LRP11: variants seen among roughly 807,000 people sequenced by gnomAD.
LRP11 encodes low-density lipoprotein receptor-related protein 11.
A neutral mutation model predicts 43.1 loss-of-function variants in LRP11; 25 were observed. That is an observed-to-expected ratio of 0.58 (90% CI 0.42 to 0.81). The LOEUF (loss-of-function observed/expected upper bound fraction) is 0.81. LRP11 is among the 30% of genes least tolerant of loss of function. LRP11 has a pLI of 0.00. For synonymous variants in LRP11, 316 were observed against 299.4 expected (o/e 1.06, Z -0.57); for missense variants, 623 against 665.1 (o/e 0.94, Z 0.70).
intron 1 of LRP11, among the ~76,000 whole-genome samples, chr6:149,855,820 A>T (rs543053252): frequency 6.6e-6 from 1 of 152,190 alleles, no homozygotes; most frequent in Admixed American, 6.5e-5. Flanking sequence ...AGTGAGGACT[A>T]GTAACTGTGA....
intron 1 of LRP11, among the ~76,000 whole-genome samples, chr6:149,860,894 T>C (rs1477392633): frequency 6.6e-6 from 1 of 152,178 alleles, no homozygotes; most frequent in African/African-American, 2.4e-5. Context: ...CCAAGCCTTG[T>C]ATACACTAGG....
At chr6:149,839,541 A>G (rs1016220029) in intron 3 of LRP11, among the ~76,000 whole-genome samples, 4 of 152,236 alleles carry the variant, frequency 2.6e-5, no homozygotes, top group Admixed American at 2.6e-4. Context: ...GTGATTTTGG[A>G]GATGGATCCA....
chr6:149,863,874 G>A lies in LRP11; in HGVS notation c.147C>T (p.His49=). The change falls in exon 1 of 7, where the codon CAC becomes CAT. Residue 49 remains histidine, a synonymous_variant. Coordinates refer to ENST00000239367, the MANE Select transcript of LRP11 (RefSeq NM_032832.6). ...GCTGCTCCACGCCCGACAGCTGCGC[G>A]TGCAGTTCGGACAGCGGCGCCGCGG... ...LPPAAPLSEL[H]AQLSGVEQLL... is the part of the protein sequence containing the mutation. 1 of 1,502,594 alleles carries A rather than the reference G, an allele frequency of 6.7e-7. No individual in the cohort carries two copies. Among genetic ancestry groups the A allele is most frequent in the Non-Finnish European group, 8.8e-7 (1 of 1,134,558 alleles). 93.1% of individuals were successfully genotyped at this position (1,502,594 alleles called of 1,614,324 possible).
chr6:149,856,314 T>C (rs1200679173), intron 1 of LRP11, among the ~76,000 whole-genome samples: 1 of 152,222 alleles, frequency 6.6e-6, no homozygotes, highest in Non-Finnish European at 1.5e-5. Context: ...TACTTTTATT[T>C]AGGTGAGCTT....
At chr6:149,845,433 A>G (rs1108889) in intron 2 of LRP11, among the ~76,000 whole-genome samples, 48,521 of 152,168 alleles carry the variant, frequency 0.32, 9,429 homozygotes, top group East Asian at 0.82. Flanking sequence ...TTTCCCTGCA[A>G]AAGCCTTACT....
rs1404212578 is a variant in LRP11, at chr6:149,863,817, C to T, written c.204G>A (p.Gln68=). ...LLEEFRRQLQ[Q]ERPQEELELE... The stretch of plus-strand genomic sequence containing the variant: ...GCTCCAGCTCCTCCTGAGGCCGCTC[C>T]TGCTGCAGTTGCCGGCGGAACTCCT... Residue 68 remains glutamine (Q), a synonymous_variant, in exon 1 of 7, where the codon CAG becomes CAA. Transcript: ENST00000239367. 2 of 1,508,322 alleles carry T rather than the reference C, an allele frequency of 1.3e-6. No individual in the cohort carries two copies. Among genetic ancestry groups the T allele is most frequent in the African/African-American group, 1.4e-5 (1 of 69,022 alleles). The allele number at this position is 1,508,322 out of a possible 1,614,324, so 93.4% of individuals were successfully genotyped here.
rs1370858282 is a variant in LRP11, at chr6:149,864,342, C to T, written c.-322G>A. The T allele has an allele frequency of 9.9e-7, 1 of 1,007,070 alleles. No individual in the cohort carries two copies. Among genetic ancestry groups the T allele is most frequent in the Non-Finnish European group, 1.2e-6 (1 of 844,614 alleles). 62.4% of individuals were successfully genotyped at this position (1,007,070 alleles called of 1,614,324 possible). The stretch of plus-strand genomic sequence containing the variant: ...AGTCGGCCTCGGCGTTGATCAGCAC[C>T]AGGTGTGTGCGAACAGTGGCCGCGG... On this transcript the variant is annotated 5_prime_UTR_variant, in exon 1 of 7. Transcript: ENST00000239367.
chr6:149,863,949 C>A lies in LRP11; in HGVS notation c.72G>T (p.Gly24=), dbSNP rs772877935. The change falls in exon 1 of 7, where the codon GGG becomes GGT. Residue 24 remains glycine (G), a synonymous_variant. Coordinates refer to ENST00000239367, the MANE Select transcript of LRP11 (RefSeq NM_032832.6). The stretch of plus-strand genomic sequence containing the variant: ...GCAGCCACAGGCAGAGCAGTAGCAG[C>A]CCGCGCAGCGCCCCGTGACGCGGCG... ...RLPPRHGALR[G]LLLLCLWLPS... 3.0e-5 allele frequency: 44 copies of A among 1,447,744 alleles called. No individual in the cohort carries two copies. The East Asian group carries it at 1.3e-3, about 44-fold the overall frequency. 89.7% of individuals were successfully genotyped at this position (1,447,744 alleles called of 1,614,324 possible). A position where few individuals can be genotyped will look rare whatever the true frequency, so the allele number is the denominator to read the frequency against.
Position 149,837,434 on chromosome 6 carries a change from AGTG to A in LRP11, c.940_942del (p.His314del), listed in dbSNP as rs761916117. 4.3e-6 allele frequency: 7 copies of A among 1,614,146 alleles called. No homozygotes were observed. Among genetic ancestry groups the A allele is most frequent in the South Asian group, 1.1e-5 (1 of 91,086 alleles). On this transcript the variant is annotated inframe_deletion, in exon 4 of 7. Coordinates refer to ENST00000239367, the MANE Select transcript of LRP11 (RefSeq NM_032832.6). ...ATGCAGCAGCCATCGTCACAGAAGAAGTGGTAGCGTGAGCAAGTGTGCAAACAT... is the reference window on the plus strand; with the variant it reads ...ATGCAGCAGCCATCGTCACAGAAGAAGTAGCGTGAGCAAGTGTGCAAACAT...
At chr6:149,860,536 C>T (rs1776876019) in intron 1 of LRP11, among the ~76,000 whole-genome samples, 1 of 152,104 alleles carries the variant, frequency 6.6e-6, no homozygotes, top group South Asian at 2.1e-4. Flanking sequence ...TCCTAACTCA[C>T]AAAGCATGTC....
At chr6:149,841,713 G>A (rs909783615) in intron 3 of LRP11, among the ~76,000 whole-genome samples, 13 of 152,186 alleles carry the variant, frequency 8.5e-5, no homozygotes, top group Non-Finnish European at 1.6e-4. Context: ...AGGAATTCGA[G>A]ACCAGGTTGG....
chr6:149,830,493 A>G (rs542907741), intron 5 of LRP11, among the ~76,000 whole-genome samples: 1 of 152,324 alleles, frequency 6.6e-6, no homozygotes, highest in South Asian at 2.1e-4. Context: ...AACCAAGTCA[A>G]TACTATATTT....
chr6:149,847,656 C>T (rs1212414392), intron 2 of LRP11, among the ~76,000 whole-genome samples: 1 of 152,124 alleles, frequency 6.6e-6, no homozygotes, highest in East Asian at 1.9e-4. Flanking sequence ...CAGGAGCTCC[C>T]AATCTCTGCT....
Position 149,837,553 on chromosome 6 carries a change from A to C in LRP11, c.914-90T>G, listed in dbSNP as rs569006221. The C allele has an allele frequency of 6.7e-6, 9 of 1,352,916 alleles. No individual in the cohort carries two copies. In the East Asian group the frequency reaches 2.1e-4, roughly 32 times the overall value. 83.8% of individuals were successfully genotyped at this position (1,352,916 alleles called of 1,614,324 possible). On this transcript the variant is annotated intron_variant, in intron 3 of 6. Coordinates refer to ENST00000239367, the MANE Select transcript of LRP11 (RefSeq NM_032832.6). Reference sequence around the variant, plus strand: ...AAAGGGGAGTCCGTGGGGATGATAAAATGCACTTCGGGGAAGAGATGCAAA... The same window carrying C: ...AAAGGGGAGTCCGTGGGGATGATAACATGCACTTCGGGGAAGAGATGCAAA...
chr6:149,853,526 A>G (rs1776754817), intron 1 of LRP11, among the ~76,000 whole-genome samples: 2 of 152,182 alleles, frequency 1.3e-5, no homozygotes, highest in Admixed American at 1.3e-4. Flanking sequence ...TATTATTTTG[A>G]GATGGAGTTT....
At chr6:149,821,303 C>G (rs1776275478) in intron 6 of LRP11, among the ~76,000 whole-genome samples, 2 of 152,188 alleles carry the variant, frequency 1.3e-5, no homozygotes, top group Non-Finnish European at 2.9e-5. Context: ...GGTACACATA[C>G]TACCATCTGA....
Position 149,843,153 on chromosome 6 carries a change from GAGC to G in LRP11, c.772-32_772-30del, listed in dbSNP as rs752678956. The G allele has an allele frequency of 2.9e-5, 47 of 1,613,324 alleles. 1 individual carries two copies. The Middle Eastern group carries it at 4.8e-3, about 164-fold the overall frequency. ...CCACACAGATGGGACACATCACGTC[GAGC>G]AGCAGACTTGAGCTCCGAGCCCAAC... On this transcript the variant is annotated intron_variant, in intron 2 of 6. Transcript: ENST00000239367.
chr6:149,831,905 C>G (rs1218997387), intron 5 of LRP11, among the ~76,000 whole-genome samples: 1 of 152,132 alleles, frequency 6.6e-6, no homozygotes, highest in Non-Finnish European at 1.5e-5. Flanking sequence ...TTAAGCAATC[C>G]ACCTGCCTTG....
Position 149,820,339 on chromosome 6 carries a change from A to C in LRP11, c.*210T>G. 2.4e-6 allele frequency: 1 copy of C among 413,994 alleles called. No individual in the cohort carries two copies. 25.6% of individuals were successfully genotyped at this position (413,994 alleles called of 1,614,324 possible). On this transcript the variant is annotated 3_prime_UTR_variant, in exon 7 of 7. Coordinates refer to ENST00000239367, the MANE Select transcript of LRP11 (RefSeq NM_032832.6). ...ATAAATCAGAATTATATTTTTAGGA[A>C]TCTTTAATCATGAATTCCTCTCTAA...
Sources: gnomAD v4.1 joint callset for allele counts (sites outside exome capture counted in the v4.1 genomes callset) on GRCh38, gnomAD v4.1.1 for gene constraint, MANE v1.5 for transcripts, NCBI Gene and HGNC (gene_info 2026-07-23, HGNC 2026-07-21) for gene names.